The following LMX1B variants were observed in gnomAD, a reference collection of about 807,000 sequenced individuals.
LMX1B encodes the protein LIM homeobox transcription factor 1 beta.
Under a neutral mutation model 51.4 loss-of-function variants are expected in LMX1B, and 12 were observed. The ratio of observed to expected loss-of-function variants is 0.23; its 90% CI spans 0.15 to 0.38. LMX1B has a LOEUF of 0.38. Among genes scored for constraint, LMX1B ranks in the 10% least tolerant of loss-of-function variants. The pLI is 1.00. For synonymous variants in LMX1B, 237 were observed against 235.4 expected (o/e 1.01, Z -0.06); for missense variants, 445 against 571.1 (o/e 0.78, Z 2.25).
chr9:126,615,035 CG>C lies in LMX1B; in HGVS notation c.140-347del, dbSNP rs1265956089. Among the ~76,000 whole-genome samples the C allele has an allele frequency of 3.3e-5, 5 of 152,168 alleles. No individual in the cohort carries two copies. The highest frequency in any genetic ancestry group is 7.4e-5 in the Non-Finnish European group (5 of 68,006). ...CGCCACCGTGGGGCGTGTCAGCCAG[CG>C]AGCGCCCCAGCCTCACCTCGCCTGT... On this transcript the variant is annotated intron_variant, in intron 1 of 7. Transcript: ENST00000373474. The surrounding 1 kb of genome is among the most constrained non-coding windows in gnomAD (Gnocchi z 6.0).
intron 2 of LMX1B, among the ~76,000 whole-genome samples, chr9:126,648,856 T>G (rs1835950561): frequency 6.6e-6 from 1 of 152,090 alleles, no homozygotes; most frequent in African/African-American, 2.4e-5. Flanking sequence ...AGGGAGGCAA[T>G]GGCTTGCAGC....
At chr9:126,647,787 G>C (rs1835929485) in intron 2 of LMX1B, among the ~76,000 whole-genome samples, 1 of 152,238 alleles carries the variant, frequency 6.6e-6, no homozygotes, top group Non-Finnish European at 1.5e-5. Context: ...CGCAACACCA[G>C]GCCCAACTCC....
chr9:126,621,307 GACCCAGGGCCCTTGGCTGTCT>G (rs1835406026), intron 2 of LMX1B, among the ~76,000 whole-genome samples: 2 of 152,210 alleles, frequency 1.3e-5, no homozygotes, highest in South Asian at 4.1e-4. Flanking sequence ...GGTGCCCGAG[GACCCAGGGCCCTTGGCTGTCT>G]GGCTGACCCA....
chr9:126,652,412 G>A (rs1426601304), intron 2 of LMX1B, among the ~76,000 whole-genome samples: 1 of 152,232 alleles, frequency 6.6e-6, no homozygotes, highest in Non-Finnish European at 1.5e-5. Context: ...AACGATAACT[G>A]CACCTGGCAG....
intron 2 of LMX1B, among the ~76,000 whole-genome samples, chr9:126,689,587 G>A (rs561040690): frequency 1.3e-5 from 2 of 152,324 alleles, no homozygotes; most frequent in East Asian, 1.9e-4. Context: ...AGCAGGACAC[G>A]TGACAGGGTG....
chr9:126,631,996 G>A (rs941277997), intron 2 of LMX1B, among the ~76,000 whole-genome samples: 3 of 152,146 alleles, frequency 2.0e-5, no homozygotes, highest in Non-Finnish European at 2.9e-5. Context: ...CGGTAGGTGC[G>A]CAGTTCGTAC....
chr9:126,615,682 C>G lies in LMX1B; in HGVS notation c.326+113C>G. On this transcript the variant is annotated intron_variant, in intron 2 of 7. Transcript: ENST00000373474. The surrounding 1 kb of genome is among the most constrained non-coding windows in gnomAD (Gnocchi z 6.0). ...CCGCCGGCTCTGTGCGCGGCTGGGC[C>G]GGGCAGCTCCAAGGGTTCCGAGAGC... is the stretch of plus-strand genomic sequence containing the variant. The G allele has an allele frequency of 1.0e-6, 1 of 987,604 alleles. No individual in the cohort carries two copies. The highest frequency in any genetic ancestry group is 1.4e-6 in the Non-Finnish European group (1 of 703,074). The allele number at this position is 987,604 out of a possible 1,614,324, so 61.2% of individuals were successfully genotyped here.
chr9:126,615,444 C>T lies in LMX1B; in HGVS notation c.201C>T (p.Phe67=). 6.2e-7 allele frequency: 1 copy of T among 1,609,756 alleles called. No homozygotes were observed. The part of the protein sequence containing the change: ...EGCQRPISDR[F]LMRVNESSWH... ...GCCAGCGGCCCATCTCCGACCGCTT[C>T]CTGATGCGAGTCAACGAGTCGTCCT... The change falls in exon 2 of 8, where the codon TTC becomes TTT. Residue 67 remains phenylalanine (F), a synonymous_variant. Coordinates refer to ENST00000373474, the MANE Select transcript of LMX1B (RefSeq NM_001174147.2). This position sits in a 1 kb window ranked among gnomAD's most constrained non-coding sequence, Gnocchi z 6.0.
chr9:126,628,380 T>C (rs1835571483), intron 2 of LMX1B, among the ~76,000 whole-genome samples: 1 of 152,244 alleles, frequency 6.6e-6, no homozygotes, highest in Non-Finnish European at 1.5e-5. Context: ...TCGTGTTATC[T>C]TAATCATATT....
At chr9:126,621,655 CTTTT>C (rs71377950) in intron 2 of LMX1B, among the ~76,000 whole-genome samples, 54 of 116,860 alleles carry the variant, frequency 4.6e-4, no homozygotes, top group South Asian at 1.8e-3. Flanking sequence ...TCTCTCTCTT[CTTTT>C]TTTTTTTTTT....
chr9:126,629,197 C>T (rs376509352), intron 2 of LMX1B, among the ~76,000 whole-genome samples: 2 of 152,104 alleles, frequency 1.3e-5, no homozygotes, highest in East Asian at 1.9e-4. Flanking sequence ...CCATTCTGCA[C>T]GGTACTTGGG....
chr9:126,614,329 C>T lies in LMX1B; in HGVS notation c.-121C>T. On this transcript the variant is annotated 5_prime_UTR_variant, in exon 1 of 8. Coordinates refer to ENST00000373474, the MANE Select transcript of LMX1B (RefSeq NM_001174147.2). ...GCTCCACGATCGCCGGGGGCCGGCG[C>T]AACCCCTGCCCTGCGGGGGCCGCGC... 1.6e-6 allele frequency: 1 copy of T among 625,060 alleles called. No homozygotes were observed. The highest frequency in any genetic ancestry group is 2.0e-6 in the Non-Finnish European group (1 of 498,690). The allele number at this position is 625,060 out of a possible 1,614,324, so 38.7% of individuals were successfully genotyped here.
At chr9:126,624,199 C>T (rs922198509) in intron 2 of LMX1B, among the ~76,000 whole-genome samples, 2 of 152,236 alleles carry the variant, frequency 1.3e-5, no homozygotes, top group Admixed American at 6.5e-5. Flanking sequence ...AGCTTTCGGG[C>T]TTCTCAGCGT....
chr9:126,634,045 G>A (rs1436249782), intron 2 of LMX1B, among the ~76,000 whole-genome samples: 1 of 152,064 alleles, frequency 6.6e-6, no homozygotes, highest in South Asian at 2.1e-4. Flanking sequence ...GCGAATGTTT[G>A]GGGAAGGCAG....
At chr9:126,679,627 G>T (rs904044599) in intron 2 of LMX1B, among the ~76,000 whole-genome samples, 1 of 151,894 alleles carries the variant, frequency 6.6e-6, no homozygotes, top group East Asian at 1.9e-4. Flanking sequence ...AGAGAGGTAC[G>T]ACCTATCCTC....
Position 126,693,612 on chromosome 9 carries a change from AC to A in LMX1B, c.819+17del, listed in dbSNP as rs1160470763. 3 of 1,613,536 alleles carry A rather than the reference AC, an allele frequency of 1.9e-6. No individual in the cohort carries two copies. The highest frequency in any genetic ancestry group is 1.7e-6 in the Non-Finnish European group (2 of 1,179,764). On this transcript the variant is annotated intron_variant, in intron 5 of 7. Transcript: ENST00000373474. ...AACCAAAGAGCAAAGGTAAGAGGCC[AC>A]CCCCCATCCCCACTGGCCCCGGGTA...
intron 2 of LMX1B, among the ~76,000 whole-genome samples, chr9:126,657,577 G>A (rs2118914195): frequency 6.6e-6 from 1 of 152,326 alleles, no homozygotes; most frequent in Non-Finnish European, 1.5e-5. Flanking sequence ...AGCCTCCTCA[G>A]GGAGGCTGGC....
At position 126,625,395 on chromosome 9, in the gene LMX1B, G is replaced by A. The variant is rs1835503901; in HGVS notation, c.326+9826G>A. ...GGATGTGTTTGCCTCCTCTGACCGAGAGCACGGGTCCTGCTCTGTCCCCTC... is the reference window on the plus strand; with the variant it reads ...GGATGTGTTTGCCTCCTCTGACCGAAAGCACGGGTCCTGCTCTGTCCCCTC... On this transcript the variant is annotated intron_variant, in intron 2 of 7. Transcript: ENST00000373474. The surrounding 1 kb of genome is among the most constrained non-coding windows in gnomAD (Gnocchi z 5.3). Among the ~76,000 whole-genome samples, 1 of 152,224 alleles carries A rather than the reference G, an allele frequency of 6.6e-6. No homozygotes were observed. The highest frequency in any genetic ancestry group is 2.4e-5 in the African/African-American group (1 of 41,464).
At chr9:126,642,137 G>A (rs1453741899) in intron 2 of LMX1B, among the ~76,000 whole-genome samples, 1 of 152,194 alleles carries the variant, frequency 6.6e-6, no homozygotes, top group Admixed American at 6.5e-5. Context: ...AGCCTAGGAG[G>A]CTGGAGCTGA....
Sources: gnomAD v4.1 joint callset for allele counts (sites outside exome capture counted in the v4.1 genomes callset) on GRCh38, gnomAD v4.1.1 for gene constraint, Gnocchi (gnomAD v3.1) non-coding constraint, MANE v1.5 for transcripts, NCBI Gene and HGNC (gene_info 2026-07-23, HGNC 2026-07-21) for gene names.